The following RAB38 variants were observed in gnomAD, a reference collection of about 807,000 sequenced individuals.
The protein encoded by RAB38 is ras-related protein Rab-38.
RAB38 carries 15 observed loss-of-function variants against 18.4 expected under a neutral mutation model. That is an observed-to-expected ratio of 0.82 (90% CI 0.55 to 1.26). The LOEUF is 1.26. RAB38 is among the 50% of genes most tolerant of loss of function. The pLI is 0.00. For missense variants in RAB38, 294 were observed against 267.4 expected (o/e 1.10, Z -0.69); for synonymous variants, 101 against 104.4 (o/e 0.97, Z 0.20).
At chr11:87,881,537 G>T in the RAB38 span, among the ~76,000 whole-genome samples, 1 of 151,708 alleles carries the variant, frequency 6.6e-6, no homozygotes. Flanking sequence ...ACATTCATTT[G>T]TTATTCTCAG....
the RAB38 span, among the ~76,000 whole-genome samples, chr11:87,942,169 C>G: frequency 5.3e-5 from 8 of 152,184 alleles, no homozygotes; most frequent in African/African-American, 1.9e-4. Context: ...TTTGGAAAAT[C>G]ACATTATTGA....
chr11:87,887,850 C>T, the RAB38 span, among the ~76,000 whole-genome samples: 1 of 151,844 alleles, frequency 6.6e-6, no homozygotes, highest in African/African-American at 2.4e-5. Flanking sequence ...AGAATTAATA[C>T]AGCAAAATGT....
chr11:88,030,995 C>G, the RAB38 span, among the ~76,000 whole-genome samples: 1 of 150,694 alleles, frequency 6.6e-6, no homozygotes, highest in Non-Finnish European at 1.5e-5. Flanking sequence ...TACTGGCAAA[C>G]CGAATCCAGC....
intron 1 of RAB38, among the ~76,000 whole-genome samples, chr11:88,150,752 T>G (rs529922499): frequency 2.2e-3 from 335 of 152,300 alleles, no homozygotes; most frequent in Non-Finnish European, 3.5e-3. Context: ...ACCTGAGCTG[T>G]TTGAATCTAG....
rs574571874 is a variant in RAB38, at chr11:88,145,426, C to T, written c.483+4249G>A. ...CCTCCCAAAGTGCTGAGATTACAGC[C>T]GTGAGCCACCGCGCCCAGCCACATT... is the stretch of plus-strand genomic sequence containing the variant. On this transcript the variant is annotated intron_variant, in intron 2 of 2. Transcript: ENST00000243662. 2.6e-5 allele frequency among the ~76,000 whole-genome samples: 4 copies of T among 152,188 alleles called. No individual in the cohort carries two copies. The East Asian group carries it at 5.8e-4, about 22-fold the overall frequency.
At chr11:88,064,657 G>C in the RAB38 span, among the ~76,000 whole-genome samples, 1 of 152,146 alleles carries the variant, frequency 6.6e-6, no homozygotes. Flanking sequence ...TTATGTTTTG[G>C]ATAAAAGCAT....
chr11:88,068,387 A>G, the RAB38 span, among the ~76,000 whole-genome samples: 1 of 152,234 alleles, frequency 6.6e-6, no homozygotes, highest in Non-Finnish European at 1.5e-5. Flanking sequence ...TAGAAATAAA[A>G]CAATAAATAT....
At chr11:87,915,098 C>T in the RAB38 span, among the ~76,000 whole-genome samples, 2 of 152,088 alleles carry the variant, frequency 1.3e-5, no homozygotes, top group African/African-American at 4.8e-5. Flanking sequence ...CTACCAGACC[C>T]CAGAATGGTA....
At chr11:87,830,880 C>T in the RAB38 span, among the ~76,000 whole-genome samples, 1 of 151,964 alleles carries the variant, frequency 6.6e-6, no homozygotes, top group Non-Finnish European at 1.5e-5. Context: ...CTCACTGCAA[C>T]CTCCATCTCC....
the RAB38 span, among the ~76,000 whole-genome samples, chr11:88,034,165 G>A: frequency 6.6e-6 from 1 of 152,140 alleles, no homozygotes; most frequent in Non-Finnish European, 1.5e-5. Context: ...AACCATTTGG[G>A]ATTCGCTTTT....
chr11:87,838,115 T>TTA, the RAB38 span, among the ~76,000 whole-genome samples: 82 of 124,646 alleles, frequency 6.6e-4, no homozygotes, highest in African/African-American at 2.6e-3. Context: ...TTATTTTTAT[T>TTA]TTTATTTTTT....
At chr11:88,031,733 T>C in the RAB38 span, among the ~76,000 whole-genome samples, 799 of 151,598 alleles carry the variant, frequency 5.3e-3, 5 homozygotes, top group African/African-American at 0.019. Context: ...TAAAAGAGGA[T>C]ACAAACAAAT....
At chr11:87,957,647 AGACCCTCATGACCTGCTTTCAGGGAAG>A in the RAB38 span, among the ~76,000 whole-genome samples, 8 of 152,274 alleles carry the variant, frequency 5.3e-5, no homozygotes, top group Admixed American at 2.6e-4. Context: ...CTCTAGAACA[AGACCCTCATGACCTGCTTTCAGGGAAG>A]GTAGGCCAGA....
the RAB38 span, among the ~76,000 whole-genome samples, chr11:88,017,962 T>A: frequency 6.6e-6 from 1 of 151,938 alleles, no homozygotes; most frequent in African/African-American, 2.4e-5. Flanking sequence ...TCTGATGGTT[T>A]TGTAAAGGGG....
chr11:87,825,040 GAATGA>G, the RAB38 span, among the ~76,000 whole-genome samples: 1 of 151,900 alleles, frequency 6.6e-6, no homozygotes, highest in Admixed American at 6.6e-5. Flanking sequence ...GAGAGAGAGA[GAATGA>G]ATCAAGAATA....
the RAB38 span, among the ~76,000 whole-genome samples, chr11:88,097,513 A>G: frequency 6.6e-6 from 1 of 151,820 alleles, no homozygotes. Context: ...CACAGCCAGG[A>G]TGCTTCAAGG....
chr11:87,886,824 G>GTTT, the RAB38 span, among the ~76,000 whole-genome samples: 22 of 139,010 alleles, frequency 1.6e-4, 1 homozygote, highest in Non-Finnish European at 1.2e-4. Flanking sequence ...TGAAGCACTT[G>GTTT]TTTTTTTTTT....
the RAB38 span, among the ~76,000 whole-genome samples, chr11:88,063,723 T>C: frequency 3.9e-5 from 6 of 152,288 alleles, no homozygotes; most frequent in East Asian, 3.9e-4. Context: ...ATGAGGTTTA[T>C]TGGTTTTAAA....
chr11:87,934,761 G>C, the RAB38 span, among the ~76,000 whole-genome samples: 2 of 151,758 alleles, frequency 1.3e-5, no homozygotes, highest in Admixed American at 6.6e-5. Context: ...AACCATCTGA[G>C]GTATTTAACA....
Sources: allele counts gnomAD v4.1 joint callset (sites outside exome capture counted in the v4.1 genomes callset), GRCh38; gene constraint gnomAD v4.1.1; transcripts MANE v1.5; gene names NCBI Gene and HGNC (gene_info 2026-07-23, HGNC 2026-07-21).